Variants in CDIN1 observed in about 807,000 individuals in gnomAD.
The protein encoded by CDIN1 is CDAN1-interacting nuclease 1.
CDIN1 carries 33 observed loss-of-function variants against 45.3 expected under a neutral mutation model. The observed-to-expected ratio is 0.73, with a 90% CI of 0.55 to 0.97. The LOEUF (loss-of-function observed/expected upper bound fraction) is 0.97. CDIN1 is among the 50% of genes least tolerant of loss of function. CDIN1 has a pLI of 0.00. For missense variants in CDIN1, 303 were observed against 339.4 expected, an observed-to-expected ratio of 0.89 and a Z score of 0.84; for synonymous variants, 118 against 124.4, an observed-to-expected ratio of 0.95 and a Z score of 0.34.
intron 8 of CDIN1, among the ~76,000 whole-genome samples, chr15:36,703,755 G>T (rs1412476035): frequency 1.3e-5 from 2 of 152,038 alleles, no homozygotes; most frequent in Non-Finnish European, 2.9e-5. Context: ...GATCCTTTTT[G>T]TGTCTCAGAA....
intron 1 of CDIN1, chr15:36,617,015 T>G (rs1595749392): frequency 2.9e-6 from 2 of 688,382 alleles, no homozygotes; most frequent in East Asian, 4.9e-5. Context: ...AAAAAATTTA[T>G]TCTGTTGGGG....
At chr15:36,712,106 G>T (rs1414013223) in intron 10 of CDIN1, among the ~76,000 whole-genome samples, 1 of 152,008 alleles carries the variant, frequency 6.6e-6, no homozygotes, top group Non-Finnish European at 1.5e-5. Context: ...AGCCTTTCAA[G>T]GAGGCTATTG....
intron 3 of CDIN1, among the ~76,000 whole-genome samples, chr15:36,653,292 G>A (rs1240486739): frequency 6.6e-6 from 1 of 152,128 alleles, no homozygotes; most frequent in Non-Finnish European, 1.5e-5. Flanking sequence ...TGAGGGATGG[G>A]AGCGGGAGAC....
intron 1 of CDIN1, among the ~76,000 whole-genome samples, chr15:36,621,894 G>C (rs1183842179): frequency 8.8e-6 from 1 of 113,496 alleles, no homozygotes; most frequent in Non-Finnish European, 1.9e-5. Flanking sequence ...TTCCTCCAAG[G>C]GCTTTTAATA....
chr15:36,619,296 C>T, intron 1 of CDIN1: 3 of 899,982 alleles, frequency 3.3e-6, no homozygotes, highest in Non-Finnish European at 4.7e-6. Context: ...TCAAAAACTT[C>T]TCTCTCTTCC....
chr15:36,774,133 G>GGGGGGT (rs1555407049), intron 10 of CDIN1, among the ~76,000 whole-genome samples: 1 of 138,746 alleles, frequency 7.2e-6, no homozygotes, highest in Non-Finnish European at 1.5e-5. Context: ...AACTGACAGG[G>GGGGGGT]GTGTGTGTGT....
intron 1 of CDIN1, among the ~76,000 whole-genome samples, chr15:36,612,119 C>G (rs536535029): frequency 1.2e-4 from 19 of 152,302 alleles, no homozygotes; most frequent in African/African-American, 4.3e-4. Context: ...CTTCCAAGAA[C>G]AGAGGCGTCC....
At chr15:36,728,695 G>A (rs865820770) in intron 10 of CDIN1, among the ~76,000 whole-genome samples, 2 of 151,218 alleles carry the variant, frequency 1.3e-5, no homozygotes, top group Non-Finnish European at 2.9e-5. Context: ...TTCTTCTTAC[G>A]ACGAAGTGTT....
At chr15:36,780,762 A>C (rs796984872) in intron 10 of CDIN1, among the ~76,000 whole-genome samples, 18 of 152,262 alleles carry the variant, frequency 1.2e-4, no homozygotes, top group African/African-American at 4.3e-4. Context: ...TATTGTTTCT[A>C]TTTTACTTAT....
intron 10 of CDIN1, among the ~76,000 whole-genome samples, chr15:36,788,399 T>A (rs901378906): frequency 3.3e-5 from 5 of 151,940 alleles, no homozygotes; most frequent in African/African-American, 1.2e-4. Flanking sequence ...ATTATATTTT[T>A]AAAAAAACAG....
chr15:36,797,356 G>A (rs752212930), intron 10 of CDIN1, among the ~76,000 whole-genome samples: 18 of 152,120 alleles, frequency 1.2e-4, no homozygotes, highest in Middle Eastern at 3.2e-3. Flanking sequence ...AGATAAAAGC[G>A]ACTGTAAACA....
chr15:36,600,628 G>A (rs967572057), intron 1 of CDIN1, among the ~76,000 whole-genome samples: 4 of 152,166 alleles, frequency 2.6e-5, no homozygotes, highest in African/African-American at 9.7e-5. Flanking sequence ...GATTATAAAC[G>A]AGTAGACAGA....
chr15:36,710,836 A>G (rs369851469), intron 10 of CDIN1, among the ~76,000 whole-genome samples: 1 of 152,212 alleles, frequency 6.6e-6, no homozygotes, highest in African/African-American at 2.4e-5. Flanking sequence ...GGGTAAAAAC[A>G]GTGACCAGCT....
rs1458906041 is a variant in CDIN1, at chr15:36,809,693, A to C, written c.*1240A>C. The C allele has an allele frequency of 6.6e-6, 1 of 152,192 alleles. No individual in the cohort carries two copies. Among genetic ancestry groups the C allele is most frequent in the Non-Finnish European group, 1.5e-5 (1 of 68,024 alleles). 9.4% of individuals were successfully genotyped at this position (152,192 alleles called of 1,614,324 possible). Reference sequence around the variant, plus strand: ...ACTTTTATAATGTTGAATAGATGATATGGGAAATACTAATAACAACAATGT... The same window carrying C: ...ACTTTTATAATGTTGAATAGATGATCTGGGAAATACTAATAACAACAATGT... On this transcript the variant is annotated 3_prime_UTR_variant, in exon 11 of 11. Transcript: ENST00000566621.
chr15:36,597,239 A>G lies in CDIN1; in HGVS notation c.101+17278A>G, dbSNP rs556772219. Among the ~76,000 whole-genome samples the G allele has an allele frequency of 5.3e-5, 8 of 152,344 alleles. No homozygotes were observed. In the South Asian group the frequency reaches 1.7e-3, roughly 32 times the overall value. On this transcript the variant is annotated intron_variant, in intron 1 of 10. Transcript: ENST00000566621. ...AACCAGAAAATAATCTCAGAAAGGT[A>G]AAATACATTGCTTGTTTGGAAATAA...
At chr15:36,618,293 C>T in intron 1 of CDIN1, 2 of 666,962 alleles carry the variant, frequency 3.0e-6, no homozygotes, top group Non-Finnish European at 5.5e-6. Flanking sequence ...TTGAACAGAT[C>T]TAGTTCAAAA....
chr15:36,617,720 A>C (rs2038961685), intron 1 of CDIN1: 1 of 789,860 alleles, frequency 1.3e-6, no homozygotes, highest in African/African-American at 1.7e-5. Context: ...AAACAACACC[A>C]ATAGAGGAAG....
chr15:36,678,204 A>G (rs1352553746), intron 5 of CDIN1, among the ~76,000 whole-genome samples: 1 of 152,186 alleles, frequency 6.6e-6, no homozygotes, highest in South Asian at 2.1e-4. Context: ...CCAGTGGGCT[A>G]GTGCTTAGAA....
intron 1 of CDIN1, among the ~76,000 whole-genome samples, chr15:36,639,266 A>G (rs8033423): frequency 0.51 from 77,062 of 151,176 alleles, 19,869 homozygotes; most frequent in Admixed American, 0.59. Flanking sequence ...TATTTGGGGA[A>G]AAAAAAAGCA....
Sources: allele counts gnomAD v4.1 joint callset (sites outside exome capture counted in the v4.1 genomes callset), GRCh38; gene constraint gnomAD v4.1.1; transcripts MANE v1.5; gene names NCBI Gene and HGNC (gene_info 2026-07-23, HGNC 2026-07-21).